Variants in TSPAN6 observed in about 807,000 individuals in gnomAD.
TSPAN6 encodes the protein tetraspanin 6.
TSPAN6 carries 13 observed loss-of-function variants against 18.0 expected under a neutral mutation model. The observed-to-expected ratio is 0.72, with a 90% CI of 0.47 to 1.15. The LOEUF is 1.15. TSPAN6 is among the 50% of genes most tolerant of loss of function. TSPAN6 has a pLI of 0.00. For synonymous variants in TSPAN6, 82 were observed against 67.0 expected, an observed-to-expected ratio of 1.22 and a Z score of -1.09; for missense variants, 186 against 183.9, an observed-to-expected ratio of 1.01 and a Z score of -0.07.
intron 6 of TSPAN6, among the ~76,000 whole-genome samples, chrX:100,631,491 T>C (rs2083058683): frequency 9.1e-6 from 1 of 109,999 alleles, no homozygotes; most frequent in South Asian, 3.9e-4. Flanking sequence ...GTGTTTAATA[T>C]AAAAAAAAAC....
chrX:100,629,985 T>C lies in TSPAN6; in HGVS notation c.*41A>G, dbSNP rs186111476. 8.0e-6 allele frequency: 6 copies of C among 750,994 alleles called. No homozygotes were observed. The East Asian group carries it at 7.6e-4, about 95-fold the overall frequency. 61.9% of individuals were successfully genotyped at this position (750,994 alleles called of 1,213,427 possible). A position where few individuals can be genotyped will look rare whatever the true frequency, so the allele number is the denominator to read the frequency against. On this transcript the variant is annotated splice_region_variant and 3_prime_UTR_variant, in exon 8 of 8. Coordinates refer to ENST00000373020, the MANE Select transcript of TSPAN6 (RefSeq NM_003270.4). ...TAATTCACAGGGGGGACCCTAAATG[T>C]CCTAAAATTAAAGAAAAAAAGTTAA... is the stretch of plus-strand genomic sequence containing the variant.
At chrX:100,630,108 C>T (rs2083048716) in intron 7 of TSPAN6, 122 bp from the exon 8 acceptor site, 1 of 313,915 alleles carries the variant, frequency 3.2e-6, no homozygotes, top group Non-Finnish European at 4.2e-6. Context: ...TAGTCAGTGG[C>T]TCAAGTAAAA....
intron 1 of TSPAN6, chrX:100,636,172 G>A (rs1331271108): frequency 2.5e-6 from 2 of 790,021 alleles, no homozygotes; most frequent in Admixed American, 7.7e-5. Context: ...TGGCGGGAGT[G>A]GAGGCATACC....
At position 100,635,246 on chromosome X, in the gene TSPAN6, T is replaced by C. The variant is rs756394862; in HGVS notation, c.283A>G (p.Met95Val). 2.7e-5 allele frequency: 32 copies of C among 1,185,200 alleles called. No individual in the cohort carries two copies. Among genetic ancestry groups the C allele is most frequent in the African/African-American group, 5.3e-5 (3 of 56,310 alleles). ...ACCAAAAAAACGAGAGTCAGAAACA[T>C]TGCATACTGCAGGATAAGAAAGAAA... ...ASAWMLKLYA[M>V]FLTLVFLVEL... The change falls in exon 3 of 8, where the codon ATG (methionine) becomes GTG (valine). Residue 95 changes from methionine (M) to valine (V), a missense_variant. Coordinates refer to ENST00000373020, the MANE Select transcript of TSPAN6 (RefSeq NM_003270.4).
intron 6 of TSPAN6, among the ~76,000 whole-genome samples, chrX:100,631,625 T>C (rs150047148): frequency 0.016 from 1,791 of 111,634 alleles, 43 homozygotes; most frequent in African/African-American, 0.056. Flanking sequence ...GGTGGCATCA[T>C]CTAAATTTTA....
At position 100,636,711 on chromosome X, in the gene TSPAN6, T is replaced by C. The variant is rs746860808; in HGVS notation, c.-17A>G. The C allele has an allele frequency of 2.3e-5, 27 of 1,188,491 alleles. No homozygotes were observed. The highest frequency in any genetic ancestry group is 3.1e-5 in the Non-Finnish European group (27 of 884,895). On this transcript the variant is annotated 5_prime_UTR_variant, in exon 1 of 8. Transcript: ENST00000373020. Reference sequence around the variant, plus strand: ...GGACGCCATGACTAGCCCGAGACCCTGCACCACCGCACCGGGCGATTGGAA... The same window carrying C: ...GGACGCCATGACTAGCCCGAGACCCCGCACCACCGCACCGGGCGATTGGAA...
Position 100,627,871 on chromosome X carries a change from G to C in TSPAN6, c.*2155C>G. 1 of 109,400 alleles carries C rather than the reference G, an allele frequency of 9.1e-6. No homozygotes were observed. Among genetic ancestry groups the C allele is most frequent in the Non-Finnish European group, 1.9e-5 (1 of 52,527 alleles). 9.0% of individuals were successfully genotyped at this position (109,400 alleles called of 1,213,427 possible). On this transcript the variant is annotated 3_prime_UTR_variant, in exon 8 of 8. Transcript: ENST00000373020. ...TTATCGCCCAGGCTGGAGTGCAGTG[G>C]TGTGATCTCGGCTCACTGCAACCTC...
chrX:100,635,578 A>G lies in TSPAN6; in HGVS notation c.256T>C (p.Ser86Pro). ...CTCACCAGTTTTAGCATCCATGCAGAAGCTCGGCAGGTAGCAAAACAACCA... is the reference window on the plus strand; with the variant it reads ...CTCACCAGTTTTAGCATCCATGCAGGAGCTCGGCAGGTAGCAAAACAACCA... ...TFGCFATCRA[S>P]AWMLKLYAMF... The change falls in exon 2 of 8, where the codon TCT (serine) becomes CCT (proline). Residue 86 changes from serine to proline, a missense_variant. Ser to Pro is a moderately conservative substitution (Grantham distance 74, BLOSUM62 -1). Transcript: ENST00000373020. 1 of 1,195,965 alleles carries G rather than the reference A, an allele frequency of 8.4e-7. No homozygotes were observed. The highest frequency in any genetic ancestry group is 1.1e-6 in the Non-Finnish European group (1 of 886,009).
intron 1 of TSPAN6, 152 bp from the exon 2 acceptor site, chrX:100,635,898 T>C: frequency 1.2e-5 from 5 of 415,307 alleles, no homozygotes; most frequent in Non-Finnish European, 1.9e-5. Flanking sequence ...GGGGGGGATC[T>C]GCACACAAGA....
Position 100,635,167 on chromosome X carries a change from T to C in TSPAN6, c.351+11A>G, listed in dbSNP as rs1163941075. On this transcript the variant is annotated intron_variant, in intron 3 of 7. Transcript: ENST00000373020. ...AATGTAACATGCTAAGCTTCCCTAA[T>C]TCAGGCTTACCTCATGTCTGAAAAC... is the stretch of plus-strand genomic sequence containing the variant. 13 of 1,177,279 alleles carry C rather than the reference T, an allele frequency of 1.1e-5. No homozygotes were observed. The highest frequency in any genetic ancestry group is 3.1e-5 in the East Asian group (1 of 32,136).
chrX:100,636,623 G>T lies in TSPAN6; in HGVS notation c.72C>A (p.Tyr24Ter), dbSNP rs776922456. The T allele has an allele frequency of 1.7e-6, 2 of 1,205,095 alleles. No individual in the cohort carries two copies. Among genetic ancestry groups the T allele is most frequent in the Non-Finnish European group, 2.2e-6 (2 of 892,832 alleles). The stretch of plus-strand genomic sequence containing the variant: ...CGTCTCTCACCCAGAAAATAAAAGT[G>T]TAGATTAGCAGAACGCTCTTGAAAC... ...ITCFKSVLLI[Y>*]TFIFWITGVI... The change falls in exon 1 of 8, where the codon TAC becomes TAA. Residue 24 changes from tyrosine (Y) to a stop codon, truncating the protein, a stop_gained. Transcript: ENST00000373020. LOFTEE classifies it high-confidence loss of function.
rs2083046035 is a variant in TSPAN6, at chrX:100,629,700, T to C, written c.*326A>G. The C allele has an allele frequency of 8.9e-6, 1 of 112,341 alleles. No individual in the cohort carries two copies. Among genetic ancestry groups the C allele is most frequent in the African/African-American group, 3.2e-5 (1 of 30,795 alleles). 9.3% of individuals were successfully genotyped at this position (112,341 alleles called of 1,213,427 possible). A position where few individuals can be genotyped will look rare whatever the true frequency, so the allele number is the denominator to read the frequency against. ...TCAAGAGGAACACAGTATTACTTCA[T>C]TTACAATTTACTAGCTCTTCCAGTG... is the stretch of plus-strand genomic sequence containing the variant. On this transcript the variant is annotated 3_prime_UTR_variant, in exon 8 of 8. Coordinates refer to ENST00000373020, the MANE Select transcript of TSPAN6 (RefSeq NM_003270.4).
chrX:100,635,764 GA>G lies in TSPAN6; in HGVS notation c.88-19del. The G allele has an allele frequency of 8.8e-7, 1 of 1,139,000 alleles. No individual in the cohort carries two copies. The highest frequency in any genetic ancestry group is 1.2e-6 in the Non-Finnish European group (1 of 851,463). The allele number at this position is 1,139,000 out of a possible 1,213,427, so 93.9% of individuals were successfully genotyped here. A position where few individuals can be genotyped will look rare whatever the true frequency, so the allele number is the denominator to read the frequency against. ...CCAGTGATCTATGTGGGAATTCAGA[GA>G]ATACAAACAGTTACGCACTGTGTAC... On this transcript the variant is annotated intron_variant, in intron 1 of 7. Transcript: ENST00000373020.
At chrX:100,633,143 C>T (rs184384144) in intron 5 of TSPAN6, among the ~76,000 whole-genome samples, 13 of 110,741 alleles carry the variant, frequency 1.2e-4, no homozygotes, top group African/African-American at 4.3e-4. Context: ...ACAGTGAAAC[C>T]CCGTCTCTAC....
rs2083099950 is a variant in TSPAN6, at chrX:100,636,752, G to A, written c.-58C>T. 2.7e-6 allele frequency: 3 copies of A among 1,128,453 alleles called. No individual in the cohort carries two copies. Among genetic ancestry groups the A allele is most frequent in the Non-Finnish European group, 1.2e-6 (1 of 848,543 alleles). The allele number at this position is 1,128,453 out of a possible 1,213,427, so 93.0% of individuals were successfully genotyped here. ...GCGATTGGAACACAGAGAGCGAGACGCGGAGTCCCCGAGTCTCCCCGGAAA... is the reference window on the plus strand; with the variant it reads ...GCGATTGGAACACAGAGAGCGAGACACGGAGTCCCCGAGTCTCCCCGGAAA... On this transcript the variant is annotated 5_prime_UTR_variant, in exon 1 of 8. Coordinates refer to ENST00000373020, the MANE Select transcript of TSPAN6 (RefSeq NM_003270.4).
At position 100,628,591 on chromosome X, in the gene TSPAN6, TA is replaced by T. The variant is rs1371906448; in HGVS notation, c.*1434del. 8.9e-6 allele frequency: 1 copy of T among 112,211 alleles called. No homozygotes were observed. The highest frequency in any genetic ancestry group is 9.5e-5 in the Admixed American group (1 of 10,546). 9.2% of individuals were successfully genotyped at this position (112,211 alleles called of 1,213,427 possible). ...TTATTATTTTCCTTATTAATTTCCC[TA>T]TTATCCTGAAGATACAGGTTACATC... On this transcript the variant is annotated 3_prime_UTR_variant, in exon 8 of 8. Coordinates refer to ENST00000373020, the MANE Select transcript of TSPAN6 (RefSeq NM_003270.4).
chrX:100,636,617 A>G lies in TSPAN6; in HGVS notation c.78T>C (p.Phe26=), dbSNP rs1569354594. Residue 26 remains phenylalanine (F), a synonymous_variant, in exon 1 of 8, where the codon TTT becomes TTC. Coordinates refer to ENST00000373020, the MANE Select transcript of TSPAN6 (RefSeq NM_003270.4). ...CGCCTTCGTCTCTCACCCAGAAAAT[A>G]AAAGTGTAGATTAGCAGAACGCTCT... is the stretch of plus-strand genomic sequence containing the variant. The part of the protein sequence containing the change: ...CFKSVLLIYT[F]IFWITGVILL... The G allele has an allele frequency of 8.3e-7, 1 of 1,205,163 alleles. No homozygotes were observed. The highest frequency in any genetic ancestry group is 2.2e-5 in the Admixed American group (1 of 45,364).
chrX:100,634,033 T>C lies in TSPAN6; in HGVS notation c.352-4A>G. 6.0e-6 allele frequency: 7 copies of C among 1,158,934 alleles called. No individual in the cohort carries two copies. Among genetic ancestry groups the C allele is most frequent in the Non-Finnish European group, 8.2e-6 (7 of 852,611 alleles). On this transcript the variant is annotated splice_polypyrimidine_tract_variant and splice_region_variant and intron_variant, in intron 3 of 7. Transcript: ENST00000373020. ...TATTCTTAAAGCTGTTCTTAATCTA[T>C]AGCAAAGAAACACAATGTCAGTAAG...
chrX:100,633,849 A>G, intron 4 of TSPAN6, 82 bp downstream of exon 4: 6 of 702,035 alleles, frequency 8.5e-6, no homozygotes, highest in Non-Finnish European at 1.3e-5. Flanking sequence ...CTACAGGTGG[A>G]TAACATCTAG....
Sources: gnomAD v4.1 joint callset for allele counts (sites outside exome capture counted in the v4.1 genomes callset) on GRCh38, gnomAD v4.1.1 for gene constraint, MANE v1.5 for transcripts, NCBI Gene and HGNC (gene_info 2026-07-23, HGNC 2026-07-21) for gene names.